The following GDF7 variants were observed in gnomAD, a reference collection of about 807,000 sequenced individuals.
GDF7 encodes the protein growth differentiation factor 7.
In GDF7, 12 loss-of-function variants were observed where a neutral mutation model predicts 13.4. That is an observed-to-expected ratio of 0.90 (90% CI 0.57 to 1.45). The LOEUF is 1.45. Ranked by LOEUF, GDF7 falls within the 40% of genes most tolerant of loss-of-function variation. The pLI is 0.00. For missense variants in GDF7, 651 were observed against 652.4 expected (o/e 1.00, Z 0.02); for synonymous variants, 330 against 306.4 (o/e 1.08, Z -0.80).
chr2:20,668,365 T>C (rs7580188), intron 1 of GDF7, among the ~76,000 whole-genome samples: 112,755 of 152,080 alleles, frequency 0.74, 42,072 homozygotes, highest in South Asian at 0.89. Context: ...TCTCTTAGAC[T>C]AAGCACCCCA....
chr2:20,677,402 A>G lies in GDF7; in HGVS notation c.*5977A>G, dbSNP rs1662250007. 6.6e-6 allele frequency: 1 copy of G among 152,204 alleles called. No homozygotes were observed. The allele number at this position is 152,204 out of a possible 1,614,324, so 9.4% of individuals were successfully genotyped here. Reference sequence around the variant, plus strand: ...TTCATTACCTTTTGTGTTGTGGGCCAACAGGAGTGCTACGTAGTGGGGGCT... The same window carrying G: ...TTCATTACCTTTTGTGTTGTGGGCCGACAGGAGTGCTACGTAGTGGGGGCT... On this transcript the variant is annotated 3_prime_UTR_variant, in exon 2 of 2. Coordinates refer to ENST00000272224, the MANE Select transcript of GDF7 (RefSeq NM_182828.4).
chr2:20,678,569 T>G lies in GDF7; in HGVS notation c.*7144T>G, dbSNP rs1332212263. 6.6e-6 allele frequency: 1 copy of G among 152,194 alleles called. No individual in the cohort carries two copies. Among genetic ancestry groups the G allele is most frequent in the African/African-American group, 2.4e-5 (1 of 41,426 alleles). The allele number at this position is 152,194 out of a possible 1,614,324, so 9.4% of individuals were successfully genotyped here. ...GTACCAGCTTATAAAATGCGGCTGT[T>G]TAAGCAGGACTTGGGTGGGCAGCAG... is the stretch of plus-strand genomic sequence containing the variant. On this transcript the variant is annotated 3_prime_UTR_variant, in exon 2 of 2. Coordinates refer to ENST00000272224, the MANE Select transcript of GDF7 (RefSeq NM_182828.4).
rs767001189 is a variant in GDF7, at chr2:20,670,988, G to C, written c.916G>C (p.Gly306Arg). 8 of 1,553,814 alleles carry C rather than the reference G, an allele frequency of 5.1e-6. No homozygotes were observed. In the South Asian group the frequency reaches 5.9e-5, roughly 11 times the overall value. ...ASEPLPDPGT[G>R]TASPRAVIGG... Reference sequence around the variant, plus strand: ...AGAGCCGCTGCCCGACCCAGGAACCGGCACCGCGTCGCCAAGGGCAGTCAT... The same window carrying C: ...AGAGCCGCTGCCCGACCCAGGAACCCGCACCGCGTCGCCAAGGGCAGTCAT... The change falls in exon 2 of 2, where the codon GGC (glycine) becomes CGC (arginine). Residue 306 changes from glycine (G) to arginine (R), a missense_variant. This residue lies in a region of GDF7 where 487 missense variants were observed against 445.9 expected (regional missense o/e 1.09). Transcript: ENST00000272224.
At position 20,667,320 on chromosome 2, in the gene GDF7, C is replaced by A. The variant is rs1218722248; in HGVS notation, c.81C>A (p.Ala27=). 13 of 1,098,914 alleles carry A rather than the reference C, an allele frequency of 1.2e-5. No individual in the cohort carries two copies. Among genetic ancestry groups the A allele is most frequent in the East Asian group, 1.2e-4 (2 of 17,010 alleles). The allele number at this position is 1,098,914 out of a possible 1,614,324, so 68.1% of individuals were successfully genotyped here. The change falls in exon 1 of 2, where the codon GCC becomes GCA. Residue 27 remains alanine, a synonymous_variant. Transcript: ENST00000272224. The surrounding 1 kb of genome is among the most constrained non-coding windows in gnomAD (Gnocchi z 6.4). ...CRPRDGLEAA[A]VLRAAGAGPV... ...CCCGCGACGGGCTGGAAGCGGCCGC[C>A]GTGCTGCGAGCGGCGGGGGCTGGGC... is the stretch of plus-strand genomic sequence containing the variant.
chr2:20,667,470 G>GCC lies in GDF7; in HGVS notation c.231_232insCC (p.Gly78ProfsTer16), dbSNP rs1695986619. 1 of 1,238,486 alleles carries GCC rather than the reference G, an allele frequency of 8.1e-7. No homozygotes were observed. The highest frequency in any genetic ancestry group is 1.0e-6 in the Non-Finnish European group (1 of 990,068). 76.7% of individuals were successfully genotyped at this position (1,238,486 alleles called of 1,614,324 possible). On this transcript the variant is annotated frameshift_variant, in exon 1 of 2. Coordinates refer to ENST00000272224, the MANE Select transcript of GDF7 (RefSeq NM_182828.4). LOFTEE classifies it high-confidence loss of function. This position sits in a 1 kb window ranked among gnomAD's most constrained non-coding sequence, Gnocchi z 6.4. ...GGGCCCGCGCCGCGCGCCGCGCCGCGGGCTCCGGCTTCAGGAACGGCTCGG... is the reference window on the plus strand; with the variant it reads ...GGGCCCGCGCCGCGCGCCGCGCCGCGCCGGCTCCGGCTTCAGGAACGGCTCGG...
At position 20,671,387 on chromosome 2, in the gene GDF7, T is replaced by C; in HGVS notation, c.1315T>C (p.Tyr439His). ...DAANNVVYKQ[Y>H]EDMVVEACGC... ...CGCCAACAACGTTGTCTACAAGCAA[T>C]ACGAGGACATGGTGGTGGAGGCCTG... Residue 439 changes from tyrosine (Y) to histidine (H), a missense_variant, in exon 2 of 2, where the codon TAC becomes CAC. Physicochemically the swap from Tyr to His is moderately conservative, Grantham distance 83 (BLOSUM62 2). Coordinates refer to ENST00000272224, the MANE Select transcript of GDF7 (RefSeq NM_182828.4). The C allele has an allele frequency of 6.2e-7, 1 of 1,610,932 alleles. No homozygotes were observed. The highest frequency in any genetic ancestry group is 1.1e-5 in the South Asian group (1 of 90,916).
chr2:20,667,582 C>T lies in GDF7; in HGVS notation c.343C>T (p.His115Tyr). The T allele has an allele frequency of 6.6e-7, 1 of 1,516,606 alleles. No individual in the cohort carries two copies. The highest frequency in any genetic ancestry group is 1.2e-5 in the South Asian group (1 of 82,916). 93.9% of individuals were successfully genotyped at this position (1,516,606 alleles called of 1,614,324 possible). Residue 115 changes from histidine (H) to tyrosine (Y), a missense_variant, in exon 1 of 2, where the codon CAT becomes TAT. Physicochemically the swap from His to Tyr is moderately conservative, Grantham distance 83. Transcript: ENST00000272224. The surrounding 1 kb of genome is among the most constrained non-coding windows in gnomAD (Gnocchi z 6.4). ...GGCAGCCGCTGTCTCCGCCTCGGGC[C>T]ATGGTCGCGCGGACACGATCACCGG... ...AGAAAVSASG[H>Y]GRADTITGFT...
In GDF7 at chr2:20,677,638, A is replaced by G. The variant is rs1305946603; in HGVS notation, c.*6213A>G. On this transcript the variant is annotated 3_prime_UTR_variant, in exon 2 of 2. Transcript: ENST00000272224. ...ACAGGCATCCTGCTGAATTAGAAGG[A>G]AACAGGAACGAATCCAAAGCAAACG... 1 of 152,280 alleles carries G rather than the reference A, an allele frequency of 6.6e-6. No homozygotes were observed. The highest frequency in any genetic ancestry group is 6.5e-5 in the Admixed American group (1 of 15,290). The allele number at this position is 152,280 out of a possible 1,614,324, so 9.4% of individuals were successfully genotyped here.
In GDF7 at chr2:20,678,812, CTTGGG is replaced by C. The variant is rs1318032548; in HGVS notation, c.*7388_*7392del. The C allele has an allele frequency of 6.6e-6, 1 of 152,198 alleles. No homozygotes were observed. Among genetic ancestry groups the C allele is most frequent in the Non-Finnish European group, 1.5e-5 (1 of 68,036 alleles). 9.4% of individuals were successfully genotyped at this position (152,198 alleles called of 1,614,324 possible). On this transcript the variant is annotated 3_prime_UTR_variant, in exon 2 of 2. Transcript: ENST00000272224. Reference sequence around the variant, plus strand: ...TGACACCCACTTTTTCTTAGCTTGGCTTGGGAGTAAGGAGATTGGAGTGTGGGGGG... The same window carrying C: ...TGACACCCACTTTTTCTTAGCTTGGCAGTAAGGAGATTGGAGTGTGGGGGG...
chr2:20,678,572 A>C lies in GDF7; in HGVS notation c.*7147A>C, dbSNP rs546316805. On this transcript the variant is annotated 3_prime_UTR_variant, in exon 2 of 2. Transcript: ENST00000272224. The stretch of plus-strand genomic sequence containing the variant: ...CCAGCTTATAAAATGCGGCTGTTTA[A>C]GCAGGACTTGGGTGGGCAGCAGAAT... 2.6e-5 allele frequency: 4 copies of C among 152,326 alleles called. No homozygotes were observed. In the South Asian group the frequency reaches 8.3e-4, roughly 32 times the overall value. The allele number at this position is 152,326 out of a possible 1,614,324, so 9.4% of individuals were successfully genotyped here. A position where few individuals can be genotyped will look rare whatever the true frequency, so the allele number is the denominator to read the frequency against.
chr2:20,668,022 CACGGT>C (rs933827221), intron 1 of GDF7, among the ~76,000 whole-genome samples: 4 of 152,248 alleles, frequency 2.6e-5, no homozygotes, highest in Admixed American at 1.3e-4. Flanking sequence ...AGAGGGACTG[CACGGT>C]GGTGAGGGTG....
At position 20,676,438 on chromosome 2, in the gene GDF7, AATCT is replaced by A. The variant is rs1471668925; in HGVS notation, c.*5014_*5017del. The A allele has an allele frequency of 6.6e-6, 1 of 152,216 alleles. No individual in the cohort carries two copies. Among genetic ancestry groups the A allele is most frequent in the Admixed American group, 6.5e-5 (1 of 15,288 alleles). 9.4% of individuals were successfully genotyped at this position (152,216 alleles called of 1,614,324 possible). Reference sequence around the variant, plus strand: ...CTCCCTCTGTGCTGTTCTGGACTTTAATCTGTGTGCACAGCTTAGTGCGTCACAA... The same window carrying A: ...CTCCCTCTGTGCTGTTCTGGACTTTAGTGTGCACAGCTTAGTGCGTCACAA... On this transcript the variant is annotated 3_prime_UTR_variant, in exon 2 of 2. Coordinates refer to ENST00000272224, the MANE Select transcript of GDF7 (RefSeq NM_182828.4).
In GDF7 at chr2:20,674,112, GCA is replaced by G. The variant is rs896093967; in HGVS notation, c.*2690_*2691del. ...AGGTGTGGAGAAAAGCGTTCTGCCA[GCA>G]CAGTTGGTAGTAGCACCCTGAGCTC... On this transcript the variant is annotated 3_prime_UTR_variant, in exon 2 of 2. Coordinates refer to ENST00000272224, the MANE Select transcript of GDF7 (RefSeq NM_182828.4). 6.2e-4 allele frequency: 94 copies of G among 152,360 alleles called. No individual in the cohort carries two copies. Among genetic ancestry groups the G allele is most frequent in the African/African-American group, 2.1e-3 (88 of 41,578 alleles). 9.4% of individuals were successfully genotyped at this position (152,360 alleles called of 1,614,324 possible).
rs1695969869 is a variant in GDF7, at chr2:20,667,167, T to C, written c.-73T>C. 1 of 1,055,564 alleles carries C rather than the reference T, an allele frequency of 9.5e-7. No homozygotes were observed. Among genetic ancestry groups the C allele is most frequent in the South Asian group, 4.0e-5 (1 of 25,064 alleles). 65.4% of individuals were successfully genotyped at this position (1,055,564 alleles called of 1,614,324 possible). A position where few individuals can be genotyped will look rare whatever the true frequency, so the allele number is the denominator to read the frequency against. ...ACACTTCCCCCATTATTAAACACTATGTTCAAAAGGCGCCGGGGGACTTCC... is the reference window on the plus strand; with the variant it reads ...ACACTTCCCCCATTATTAAACACTACGTTCAAAAGGCGCCGGGGGACTTCC... On this transcript the variant is annotated 5_prime_UTR_variant, in exon 1 of 2. The change abolishes an upstream ATG in the 5' untranslated region. Coordinates refer to ENST00000272224, the MANE Select transcript of GDF7 (RefSeq NM_182828.4). The surrounding 1 kb of genome is among the most constrained non-coding windows in gnomAD (Gnocchi z 6.4).
Position 20,673,442 on chromosome 2 carries a change from C to G in GDF7, c.*2017C>G, listed in dbSNP as rs1662166274. On this transcript the variant is annotated 3_prime_UTR_variant, in exon 2 of 2. Coordinates refer to ENST00000272224, the MANE Select transcript of GDF7 (RefSeq NM_182828.4). ...TGGATTTTGCCAGAGATGCCTCACT[C>G]TCGTTTTTAAAATGAAGCTTGTCAT... is the stretch of plus-strand genomic sequence containing the variant. The G allele has an allele frequency of 6.6e-6, 1 of 152,044 alleles. No individual in the cohort carries two copies. Among genetic ancestry groups the G allele is most frequent in the African/African-American group, 2.4e-5 (1 of 41,378 alleles). 9.4% of individuals were successfully genotyped at this position (152,044 alleles called of 1,614,324 possible).
chr2:20,670,100 C>T (rs1662085897), intron 1 of GDF7, among the ~76,000 whole-genome samples: 1 of 152,288 alleles, frequency 6.6e-6, no homozygotes, highest in South Asian at 2.1e-4. Flanking sequence ...GATTCTGGCC[C>T]GCGGCTCTGG....
chr2:20,670,367 C>A, intron 1 of GDF7, 97 bp from the exon 2 acceptor site: 1 of 1,309,622 alleles, frequency 7.6e-7, no homozygotes, highest in Non-Finnish European at 1.0e-6. Flanking sequence ...ACATCGAAGA[C>A]AGCTGGGCCA....
chr2:20,667,567 G>A lies in GDF7; in HGVS notation c.328G>A (p.Val110Ile). 6.0e-6 allele frequency: 9 copies of A among 1,505,108 alleles called. No homozygotes were observed. Among genetic ancestry groups the A allele is most frequent in the Non-Finnish European group, 7.9e-6 (9 of 1,134,128 alleles). 93.2% of individuals were successfully genotyped at this position (1,505,108 alleles called of 1,614,324 possible). ...GAGGGCTCCGGCCGGGGCAGCCGCT[G>A]TCTCCGCCTCGGGCCATGGTCGCGC... ...AGRAPAGAAA[V>I]SASGHGRADT... The change falls in exon 1 of 2, where the codon GTC becomes ATC. Residue 110 changes from valine (V) to isoleucine (I), a missense_variant. Physicochemically the swap from Val to Ile is conservative, Grantham distance 29. Transcript: ENST00000272224. This position sits in a 1 kb window ranked among gnomAD's most constrained non-coding sequence, Gnocchi z 6.4.
rs940423040 is a variant in GDF7 at position 20,676,910 on chromosome 2, A to G, written c.*5485A>G. On this transcript the variant is annotated 3_prime_UTR_variant, in exon 2 of 2. Coordinates refer to ENST00000272224, the MANE Select transcript of GDF7 (RefSeq NM_182828.4). Reference sequence around the variant, plus strand: ...CCTTAGAGCAGCAGAGCAGCGTGCGATGGTCCACTTCCTCCTGCCTCTGCA... The same window carrying G: ...CCTTAGAGCAGCAGAGCAGCGTGCGGTGGTCCACTTCCTCCTGCCTCTGCA... The G allele has an allele frequency of 1.3e-5, 2 of 152,234 alleles. No individual in the cohort carries two copies. Among genetic ancestry groups the G allele is most frequent in the African/African-American group, 4.8e-5 (2 of 41,448 alleles). The allele number at this position is 152,234 out of a possible 1,614,324, so 9.4% of individuals were successfully genotyped here.
Sources: gnomAD v4.1 joint callset for allele counts (sites outside exome capture counted in the v4.1 genomes callset) on GRCh38, gnomAD v4.1.1 for gene constraint, gnomAD v4.1.1 regional missense constraint, Gnocchi (gnomAD v3.1) non-coding constraint, MANE v1.5 for transcripts, NCBI Gene and HGNC (gene_info 2026-07-23, HGNC 2026-07-21) for gene names.